CFAP299: variants seen among roughly 807,000 people sequenced by gnomAD.
CFAP299 encodes cilia and flagella associated protein 299.
A neutral mutation model predicts 27.0 loss-of-function variants in CFAP299; 21 were observed. The observed-to-expected ratio is 0.78, with a 90% CI of 0.55 to 1.12. The LOEUF (loss-of-function observed/expected upper bound fraction) is 1.12. Among genes scored for constraint, CFAP299 ranks in the 50% most tolerant of loss-of-function variants. The pLI, the probability that CFAP299 is intolerant of heterozygous loss-of-function variation, is 0.00. For synonymous variants in CFAP299, 104 were observed against 98.1 expected, an observed-to-expected ratio of 1.06 and a Z score of -0.36; for missense variants, 310 against 276.6, an observed-to-expected ratio of 1.12 and a Z score of -0.86.
intron 2 of CFAP299, among the ~76,000 whole-genome samples, chr4:80,544,402 C>T (rs1254790126): frequency 2.0e-5 from 3 of 152,138 alleles, no homozygotes; most frequent in African/African-American, 4.8e-5. Flanking sequence ...CCAAATGCCC[C>T]ACTTAAAAGT....
intron 3 of CFAP299, among the ~76,000 whole-genome samples, chr4:80,778,030 A>G (rs917763539): frequency 2.0e-5 from 3 of 152,150 alleles, no homozygotes; most frequent in African/African-American, 7.2e-5. Context: ...GAGTTGAACA[A>G]AATTAGCTTA....
At chr4:80,564,238 A>G (rs1204727726) in intron 2 of CFAP299, among the ~76,000 whole-genome samples, 1 of 152,008 alleles carries the variant, frequency 6.6e-6, no homozygotes, top group African/African-American at 2.4e-5. Context: ...AAAGGAAACT[A>G]TAGACAAATA....
chr4:80,706,835 C>G (rs1257592399), intron 3 of CFAP299, among the ~76,000 whole-genome samples: 1 of 151,814 alleles, frequency 6.6e-6, no homozygotes, highest in Non-Finnish European at 1.5e-5. Flanking sequence ...TGCTCCTGAG[C>G]TTTAGTATAC....
At chr4:80,847,238 G>A (rs767645667) in intron 3 of CFAP299, among the ~76,000 whole-genome samples, 17 of 152,152 alleles carry the variant, frequency 1.1e-4, no homozygotes, top group Non-Finnish European at 2.4e-4. Flanking sequence ...TAAAGTACAT[G>A]CATGAGACCA....
intron 3 of CFAP299, among the ~76,000 whole-genome samples, chr4:80,763,445 A>T (rs1298659429): frequency 6.6e-6 from 1 of 152,162 alleles, no homozygotes; most frequent in Non-Finnish European, 1.5e-5. Context: ...CCTCCCAAGG[A>T]AATAAGAGAG....
intron 3 of CFAP299, among the ~76,000 whole-genome samples, chr4:80,598,401 C>A (rs1458166635): frequency 2.0e-5 from 3 of 152,272 alleles, no homozygotes; most frequent in South Asian, 4.2e-4. Flanking sequence ...ATATAAACTT[C>A]AATGTTATAG....
chr4:80,597,129 T>C (rs552323071), intron 3 of CFAP299, among the ~76,000 whole-genome samples: 1 of 152,298 alleles, frequency 6.6e-6, no homozygotes, highest in South Asian at 2.1e-4. Flanking sequence ...TGTTCAGTTT[T>C]GTTTACTAGA....
chr4:80,631,354 A>G (rs780067273), intron 3 of CFAP299, among the ~76,000 whole-genome samples: 12 of 152,094 alleles, frequency 7.9e-5, no homozygotes, highest in Non-Finnish European at 1.6e-4. Flanking sequence ...GAGTCAGTGC[A>G]AATACTTTGA....
chr4:80,785,320 A>G (rs1727180620), intron 3 of CFAP299, among the ~76,000 whole-genome samples: 1 of 152,118 alleles, frequency 6.6e-6, no homozygotes, highest in South Asian at 2.1e-4. Context: ...GGATAACTCT[A>G]TGTGGTATCC....
At chr4:80,492,720 G>T (rs1731201443) in intron 2 of CFAP299, among the ~76,000 whole-genome samples, 1 of 152,206 alleles carries the variant, frequency 6.6e-6, no homozygotes, top group Non-Finnish European at 1.5e-5. Flanking sequence ...CCATTGAAAA[G>T]ATGACTTGTT....
intron 3 of CFAP299, among the ~76,000 whole-genome samples, chr4:80,722,979 C>G (rs1420435029): frequency 2.0e-5 from 3 of 152,016 alleles, no homozygotes; most frequent in Non-Finnish European, 4.4e-5. Flanking sequence ...AGATGGATGG[C>G]AATAAACACT....
rs74469793 is a variant in CFAP299, at chr4:80,695,659, C to T, written c.333+112476C>T. Among the ~76,000 whole-genome samples, 877 of 146,064 alleles carry T rather than the reference C, an allele frequency of 6.0e-3. 6 individuals are homozygous for T. The highest frequency in any genetic ancestry group is 0.02 in the African/African-American group (818 of 40,632). On this transcript the variant is annotated intron_variant, in intron 3 of 5. Transcript: ENST00000358105. ...TACAAAATACTGAGGATCTTATGAT[C>T]TTATCCTTATCATCCTTTTTTTTTT...
chr4:80,799,830 T>TATATTATATAATATATAATATATATAA (rs1560417589), intron 3 of CFAP299, among the ~76,000 whole-genome samples: 1 of 36,674 alleles, frequency 2.7e-5, no homozygotes, highest in African/African-American at 1.2e-4. Flanking sequence ...TTATATATAT[T>TATATTATATAATATATAATATATATAA]TATATATTAT....
chr4:80,745,548 TTTTA>T (rs1172442896), intron 3 of CFAP299, among the ~76,000 whole-genome samples: 1 of 152,050 alleles, frequency 6.6e-6, no homozygotes, highest in Non-Finnish European at 1.5e-5. Context: ...TAAATAAACT[TTTTA>T]TTTTAGAAAA....
intron 3 of CFAP299, among the ~76,000 whole-genome samples, chr4:80,847,522 C>A (rs1731252487): frequency 6.6e-6 from 1 of 152,110 alleles, no homozygotes; most frequent in Non-Finnish European, 1.5e-5. Flanking sequence ...TTGTGGTGAC[C>A]CTACATGCCA....
intron 3 of CFAP299, among the ~76,000 whole-genome samples, chr4:80,675,550 G>A (rs551769948): frequency 6.6e-6 from 1 of 152,332 alleles, no homozygotes; most frequent in South Asian, 2.1e-4. Flanking sequence ...GCTGTGGTGG[G>A]AGAACCACTG....
At chr4:80,404,558 G>A (rs537677891) in intron 2 of CFAP299, among the ~76,000 whole-genome samples, 133 of 152,274 alleles carry the variant, frequency 8.7e-4, no homozygotes, top group Non-Finnish European at 1.8e-3. Context: ...TTTGTGACTG[G>A]CTTATTTTAC....
At chr4:80,391,659 G>T (rs532330340) in intron 2 of CFAP299, among the ~76,000 whole-genome samples, 8 of 152,276 alleles carry the variant, frequency 5.3e-5, no homozygotes, top group Middle Eastern at 3.4e-3. Flanking sequence ...CTGCTGTGCT[G>T]CCAGTCATAT....
At position 80,542,310 on chromosome 4, in the gene CFAP299, A is replaced by G. The variant is rs1006322395; in HGVS notation, c.243-40783A>G. ...GCCTATCATGGGACATCACCTTGTAATCATCAGGCTTGAGAAAATATGGCC... is the reference window on the plus strand; with the variant it reads ...GCCTATCATGGGACATCACCTTGTAGTCATCAGGCTTGAGAAAATATGGCC... On this transcript the variant is annotated intron_variant, in intron 2 of 5. Coordinates refer to ENST00000358105, the MANE Select transcript of CFAP299 (RefSeq NM_152770.3). 3.3e-5 allele frequency among the ~76,000 whole-genome samples: 5 copies of G among 152,154 alleles called. No homozygotes were observed. In the East Asian group the frequency reaches 5.8e-4, roughly 18 times the overall value.
Sources: gnomAD v4.1 joint callset for allele counts (sites outside exome capture counted in the v4.1 genomes callset) on GRCh38, gnomAD v4.1.1 for gene constraint, MANE v1.5 for transcripts, NCBI Gene and HGNC (gene_info 2026-07-23, HGNC 2026-07-21) for gene names.